Variants in PRDM16 observed in about 807,000 individuals in gnomAD.
The protein encoded by PRDM16 is histone-lysine N-methyltransferase PRDM16.
Under a neutral mutation model 110.6 loss-of-function variants are expected in PRDM16, and 23 were observed. That is an observed-to-expected ratio of 0.21 (90% CI 0.15 to 0.29). PRDM16 has a LOEUF of 0.29. Among genes scored for constraint, PRDM16 ranks in the 10% least tolerant of loss-of-function variants. The pLI, the probability that PRDM16 is intolerant of heterozygous loss-of-function variation, is 1.00. For synonymous variants in PRDM16, 799 were observed against 781.8 expected, an observed-to-expected ratio of 1.02 and a Z score of -0.37; for missense variants, 1,615 against 1,794.3, an observed-to-expected ratio of 0.90 and a Z score of 1.81.
At chr1:3,189,511 C>G (rs986527145) in intron 2 of PRDM16, among the ~76,000 whole-genome samples, 3 of 152,244 alleles carry the variant, frequency 2.0e-5, no homozygotes, top group African/African-American at 7.2e-5. Context: ...CGTGTCGTCT[C>G]TGATGGTCCT....
chr1:3,335,641 A>ACC (rs1642131251), intron 3 of PRDM16, among the ~76,000 whole-genome samples: 2 of 146,394 alleles, frequency 1.4e-5, no homozygotes, highest in African/African-American at 5.0e-5. Context: ...ACACACACAC[A>ACC]CCCTTGGACA....
intron 3 of PRDM16, among the ~76,000 whole-genome samples, chr1:3,351,899 G>C (rs898533895): frequency 1.3e-5 from 2 of 151,420 alleles, no homozygotes; most frequent in African/African-American, 4.9e-5. Context: ...ATGGAAGGGA[G>C]AGCTGGGGGC....
intron 3 of PRDM16, among the ~76,000 whole-genome samples, chr1:3,324,955 G>C (rs1641854913): frequency 6.6e-6 from 1 of 152,100 alleles, no homozygotes; most frequent in Non-Finnish European, 1.5e-5. Context: ...TGATGTCCTG[G>C]GGGGAGGATG....
chr1:3,346,140 G>A (rs922368833), intron 3 of PRDM16, among the ~76,000 whole-genome samples: 1 of 152,282 alleles, frequency 6.6e-6, no homozygotes, highest in South Asian at 2.1e-4. Context: ...TTTCTCCTAG[G>A]GAGAGATTAT....
chr1:3,302,740 C>A (rs900987873), intron 3 of PRDM16, among the ~76,000 whole-genome samples: 6 of 152,142 alleles, frequency 3.9e-5, no homozygotes, highest in African/African-American at 1.2e-4. Context: ...CACAAAAAAA[C>A]CAAACGTGGA....
At chr1:3,424,166 A>G (rs902236453) in intron 12 of PRDM16, among the ~76,000 whole-genome samples, 3 of 152,188 alleles carry the variant, frequency 2.0e-5, no homozygotes, top group East Asian at 3.9e-4. Flanking sequence ...ACGTGCATCT[A>G]CAGAGCTCAT....
At chr1:3,328,751 AGCAGCTCAC>A (rs887345127) in intron 3 of PRDM16, among the ~76,000 whole-genome samples, 3 of 152,138 alleles carry the variant, frequency 2.0e-5, no homozygotes, top group African/African-American at 7.2e-5. Flanking sequence ...TGGCACATGG[AGCAGCTCAC>A]GCAGCTCATA....
At chr1:3,112,699 A>AC (rs1186638039) in intron 1 of PRDM16, among the ~76,000 whole-genome samples, 2 of 152,020 alleles carry the variant, frequency 1.3e-5, no homozygotes, top group Non-Finnish European at 2.9e-5. Context: ...TGCGTGGACC[A>AC]CCCCCTGCAG....
intron 3 of PRDM16, among the ~76,000 whole-genome samples, chr1:3,347,885 C>G (rs1008447097): frequency 6.6e-6 from 1 of 152,182 alleles, no homozygotes; most frequent in Admixed American, 6.5e-5. Flanking sequence ...AAAGCAGCTG[C>G]CCGAGCCCAT....
In PRDM16 at chr1:3,409,846, G is replaced by GT. The variant is rs57503175; in HGVS notation, c.1187-1538_1187-1537insT. On this transcript the variant is annotated intron_variant, in intron 8 of 16. Transcript: ENST00000270722. ...GTGGTTGTGTGTGGGTGTGTGGTGT[G>GT]GGTGTGTGTGTGGTGTTTGTGTGCA... Among the ~76,000 whole-genome samples the GT allele has an allele frequency of 2.6e-4, 32 of 121,008 alleles. 1 individual carries two copies. The highest frequency in any genetic ancestry group is 9.2e-4 in the African/African-American group (31 of 33,576). 79.4% of individuals were successfully genotyped at this position (121,008 alleles called of 152,430 possible). A position where few individuals can be genotyped will look rare whatever the true frequency, so the allele number is the denominator to read the frequency against.
At chr1:3,073,374 CAA>C (rs1335280417) in intron 1 of PRDM16, among the ~76,000 whole-genome samples, 1 of 152,230 alleles carries the variant, frequency 6.6e-6, no homozygotes, top group African/African-American at 2.4e-5. Flanking sequence ...AGAGTTTCAA[CAA>C]AAATTATCCG....
chr1:3,225,790 G>C (rs112885755), intron 2 of PRDM16, among the ~76,000 whole-genome samples: 1 of 152,160 alleles, frequency 6.6e-6, no homozygotes, highest in African/African-American at 2.4e-5. Flanking sequence ...GTGGGCAATC[G>C]GCCCCACCTC....
chr1:3,315,284 G>T (rs937726844), intron 3 of PRDM16, among the ~76,000 whole-genome samples: 2 of 151,214 alleles, frequency 1.3e-5, no homozygotes, highest in African/African-American at 4.9e-5. Context: ...AAGCTGCCAT[G>T]GTTACTTTGC....
intron 1 of PRDM16, among the ~76,000 whole-genome samples, chr1:3,114,410 GCACA>G (rs574770311): frequency 1.8e-5 from 2 of 113,200 alleles, no homozygotes; most frequent in Admixed American, 9.0e-5. Flanking sequence ...GCACACACAC[GCACA>G]CACATGCACA....
intron 1 of PRDM16, among the ~76,000 whole-genome samples, chr1:3,182,490 G>A (rs1644223120): frequency 6.6e-6 from 1 of 152,162 alleles, no homozygotes; most frequent in South Asian, 2.1e-4. Context: ...TTCTAGATAT[G>A]GGTCTCTTGG....
rs1048599625 is a variant in PRDM16 at position 3,190,283 on chromosome 1, T to C, written c.387+3809T>C. The stretch of plus-strand genomic sequence containing the variant: ...GTCGTGGGGCAGCCTTACTTCAAGG[T>C]CGTGGGGCAGCCTTACTTTAAGTGG... On this transcript the variant is annotated intron_variant, in intron 2 of 16. Transcript: ENST00000270722. The surrounding 1 kb of genome is among the most constrained non-coding windows in gnomAD (Gnocchi z 5.0). Among the ~76,000 whole-genome samples, 2 of 147,786 alleles carry C rather than the reference T, an allele frequency of 1.4e-5. No individual in the cohort carries two copies. Among genetic ancestry groups the C allele is most frequent in the African/African-American group, 5.1e-5 (2 of 38,936 alleles).
At position 3,430,912 on chromosome 1, in the gene PRDM16, G is replaced by A. The variant is rs760371640; in HGVS notation, c.3325G>A (p.Gly1109Ser). ...QIVDGSAQCP[G>S]LASEKQEDVE... ...CGTGGACGGCAGTGCCCAGTGTCCA[G>A]GCCTAGCCAGTGAGAAGCAGGAGGA... is the stretch of plus-strand genomic sequence containing the variant. The change falls in exon 15 of 17, where the codon GGC becomes AGC. Residue 1109 changes from glycine (G) to serine (S), a missense_variant. Physicochemically the swap from Gly to Ser is moderately conservative, Grantham distance 56. Around this residue, in one of 5 missense-constraint regions of PRDM16, gnomAD observed 327 missense variants for 359.3 expected, o/e 0.91. Coordinates refer to ENST00000270722, the MANE Select transcript of PRDM16 (RefSeq NM_022114.4). The A allele has an allele frequency of 6.2e-7, 1 of 1,614,170 alleles. No individual in the cohort carries two copies. The highest frequency in any genetic ancestry group is 8.5e-7 in the Non-Finnish European group (1 of 1,180,036).
intron 2 of PRDM16, among the ~76,000 whole-genome samples, chr1:3,215,326 G>A (rs1287696946): frequency 7.9e-5 from 7 of 88,484 alleles, no homozygotes; most frequent in African/African-American, 2.2e-4. Flanking sequence ...CAGCCATGTC[G>A]TGGAAGTGCA....
At chr1:3,316,618 A>G (rs1326302283) in intron 3 of PRDM16, among the ~76,000 whole-genome samples, 1 of 149,060 alleles carries the variant, frequency 6.7e-6, no homozygotes, top group Non-Finnish European at 1.5e-5. Flanking sequence ...GAGCCAGGAA[A>G]CAGTGACACA....
Sources: allele counts gnomAD v4.1 joint callset (sites outside exome capture counted in the v4.1 genomes callset), GRCh38; gene constraint gnomAD v4.1.1; regional missense constraint gnomAD v4.1.1; non-coding constraint Gnocchi (gnomAD v3.1); transcripts MANE v1.5; gene names NCBI Gene and HGNC (gene_info 2026-07-23, HGNC 2026-07-21).